Variants in MYO1C observed in about 807,000 individuals in gnomAD.
MYO1C encodes the protein unconventional myosin-Ic.
MYO1C carries 104 observed loss-of-function variants against 150.8 expected under a neutral mutation model. That is an observed-to-expected ratio of 0.69 (90% CI 0.59 to 0.81). MYO1C has a LOEUF of 0.81. Among genes scored for constraint, MYO1C ranks in the 30% least tolerant of loss-of-function variants. The pLI is 0.00. For missense variants in MYO1C, 1,504 were observed against 1,435.0 expected, an observed-to-expected ratio of 1.05 and a Z score of -0.78; for synonymous variants, 663 against 579.9, an observed-to-expected ratio of 1.14 and a Z score of -2.06.
rs767502865 is a variant in MYO1C, at chr17:1,467,617, G to A, written c.2968-40C>T. The A allele has an allele frequency of 1.9e-6, 3 of 1,591,628 alleles. No homozygotes were observed. The Admixed American group carries it at 5.0e-5, about 27-fold the overall frequency. ...AGGAGGAGGGGTCAGGCCCTGCCCA[G>A]AACTTGAGGAACCCCCGCCCCACCT... On this transcript the variant is annotated intron_variant, in intron 29 of 31. Transcript: ENST00000648651.
chr17:1,466,176 T>TTTTTTTA (rs2074167014), intron 31 of MYO1C, among the ~76,000 whole-genome samples: 1 of 145,366 alleles, frequency 6.9e-6, no homozygotes, highest in Non-Finnish European at 1.5e-5. Flanking sequence ...TTTTTTTTTT[T>TTTTTTTA]GAGACAGGGT....
At chr17:1,473,625 A>G (rs1202011659) in intron 17 of MYO1C, among the ~76,000 whole-genome samples, 1 of 152,014 alleles carries the variant, frequency 6.6e-6, no homozygotes, top group Admixed American at 6.6e-5. Flanking sequence ...TGCCAAGCCC[A>G]ACAGCCGTAC....
In MYO1C at chr17:1,479,405, A is replaced by T. The variant is rs2074466260; in HGVS notation, c.1092+26T>A. 2 of 1,100,294 alleles carry T rather than the reference A, an allele frequency of 1.8e-6. No individual in the cohort carries two copies. The highest frequency in any genetic ancestry group is 1.5e-5 in the African/African-American group (1 of 64,798). The allele number at this position is 1,100,294 out of a possible 1,614,324, so 68.2% of individuals were successfully genotyped here. On this transcript the variant is annotated intron_variant, in intron 9 of 31. Transcript: ENST00000648651. The surrounding 1 kb of genome is among the most constrained non-coding windows in gnomAD (Gnocchi z 4.2). ...TGCCTTGGAACAGCTGCCCCTCCAC[A>T]CCCGAGGGCAAGGGCCCGGCCTCAC...
chr17:1,478,721 C>A lies in MYO1C; in HGVS notation c.1107G>T (p.Leu369=). The stretch of plus-strand genomic sequence containing the variant: ...GTGCGTACGCGGCCTGCTCCAGGTT[C>A]AGCGGGCTCAGGAGCTGTGGACGCA... ...IAKGEELLSP[L]NLEQAAYARD... The change falls in exon 10 of 32, where the codon CTG becomes CTT. Residue 369 remains leucine (L), a synonymous_variant. Transcript: ENST00000648651. This position sits in a 1 kb window ranked among gnomAD's most constrained non-coding sequence, Gnocchi z 6.3. The A allele has an allele frequency of 6.2e-7, 1 of 1,614,062 alleles. No homozygotes were observed. The highest frequency in any genetic ancestry group is 1.1e-5 in the South Asian group (1 of 91,070).
At chr17:1,480,959 G>A in intron 5 of MYO1C, 74 bp from the exon 6 acceptor site, 7 of 1,531,086 alleles carry the variant, frequency 4.6e-6, no homozygotes, top group Non-Finnish European at 6.2e-6. Context: ...CTTCTCCCCT[G>A]CACTCCTGGG....
chr17:1,484,343 G>C, intron 1 of MYO1C, 40 bp from the exon 2 acceptor site: 3 of 1,602,154 alleles, frequency 1.9e-6, no homozygotes, highest in Non-Finnish European at 2.5e-6. Flanking sequence ...AGAGTCATCG[G>C]GGGCGGGGCA....
rs867096492 is a variant in MYO1C at position 1,467,162 on chromosome 17, G to A, written c.3165+80C>T. On this transcript the variant is annotated intron_variant, in intron 31 of 31. Transcript: ENST00000648651. ...TCTGGATGAAGGCCCATGGTGAGGT[G>A]CCTGGGCTCTGCCAAGCACAGCCAA... 75 of 1,336,946 alleles carry A rather than the reference G, an allele frequency of 5.6e-5. No individual in the cohort carries two copies. The African/African-American group carries it at 8.0e-4, about 14-fold the overall frequency. The allele number at this position is 1,336,946 out of a possible 1,614,324, so 82.8% of individuals were successfully genotyped here.
In MYO1C at chr17:1,479,008, C is replaced by T. The variant is rs113463264; in HGVS notation, c.1093-273G>A. Reference sequence around the variant, plus strand: ...TCTCTTCCTATGTGACCCTGGCCAGCTCACTGTGCTGCTTCTTTTTTTTGA... The same window carrying T: ...TCTCTTCCTATGTGACCCTGGCCAGTTCACTGTGCTGCTTCTTTTTTTTGA... On this transcript the variant is annotated intron_variant, in intron 9 of 31. Transcript: ENST00000648651. The surrounding 1 kb of genome is among the most constrained non-coding windows in gnomAD (Gnocchi z 4.2). Among the ~76,000 whole-genome samples the T allele has an allele frequency of 1.0e-3, 159 of 152,302 alleles. 3 individuals are homozygous for T. The highest frequency in any genetic ancestry group is 3.5e-3 in the African/African-American group (146 of 41,578).
intron 17 of MYO1C, among the ~76,000 whole-genome samples, chr17:1,473,117 G>A (rs991084267): frequency 2.6e-5 from 4 of 152,204 alleles, no homozygotes; most frequent in African/African-American, 9.6e-5. Context: ...GGAGAATGGC[G>A]TGAGCCCAGG....
intron 29 of MYO1C, 103 bp from the exon 30 acceptor site, chr17:1,467,680 C>T (rs963512635): frequency 7.8e-6 from 8 of 1,025,104 alleles, no homozygotes; most frequent in Non-Finnish European, 1.1e-5. Context: ...CACCCCCATC[C>T]ACCCTCCCAC....
chr17:1,470,312 G>A lies in MYO1C; in HGVS notation c.2389C>T (p.Arg797Cys), dbSNP rs762526702. The A allele has an allele frequency of 9.6e-6, 15 of 1,557,534 alleles. No individual in the cohort carries two copies. The highest frequency in any genetic ancestry group is 7.1e-5 in the East Asian group (3 of 42,032). Residue 797 changes from arginine to cysteine, a missense_variant, in exon 24 of 32, where the codon CGC becomes TGC. Coordinates refer to ENST00000648651, the MANE Select transcript of MYO1C (RefSeq NM_001080779.2). ...TTCTCGGGGCAGCGGGGGGCGTGGCGCAGGACGAAGCCTCGGATGAGCCTG... is the reference window on the plus strand; with the variant it reads ...TTCTCGGGGCAGCGGGGGGCGTGGCACAGGACGAAGCCTCGGATGAGCCTG... ...IRRLIRGFVL[R>C]HAPRCPENAF... is the part of the protein sequence containing the mutation.
At chr17:1,477,807 TG>T in intron 13 of MYO1C, 83 bp downstream of exon 13, 1 of 1,361,670 alleles carries the variant, frequency 7.3e-7, no homozygotes, top group South Asian at 1.2e-5. Flanking sequence ...TGGCCCTCCG[TG>T]GACCAGCCTG....
Position 1,468,118 on chromosome 17 carries a change from C to G in MYO1C, c.2766G>C (p.Ala922=), listed in dbSNP as rs778887409. 6.2e-7 allele frequency: 1 copy of G among 1,613,274 alleles called. No homozygotes were observed. The highest frequency in any genetic ancestry group is 1.3e-5 in the African/African-American group (1 of 74,860). The part of the protein sequence containing the change: ...QALGSEPIQY[A]VPVVKYDRKG... ...TGCGGTCGTATTTCACAACAGGCAC[C>G]GCATACTGGGGACAGAGGCCAGGCT... The change falls in exon 28 of 32, where the codon GCG becomes GCC. Residue 922 remains alanine, a synonymous_variant. Coordinates refer to ENST00000648651, the MANE Select transcript of MYO1C (RefSeq NM_001080779.2).
intron 1 of MYO1C, chr17:1,491,207 C>G (rs1426261768): frequency 6.6e-6 from 1 of 152,282 alleles, no homozygotes; most frequent in Non-Finnish European, 1.5e-5. Context: ...CCTTCTCCGG[C>G]CACCCCGGAG....
chr17:1,470,182 A>G lies in MYO1C; in HGVS notation c.2519T>C (p.Leu840Pro). 6.2e-7 allele frequency: 1 copy of G among 1,610,034 alleles called. No individual in the cohort carries two copies. The highest frequency in any genetic ancestry group is 8.5e-7 in the Non-Finnish European group (1 of 1,178,854). ...CAGGGGGTGCCCACAGACCTCACGC[A>G]GGGCAGGTGGGGGCGTGGGCCACGA... is the stretch of plus-strand genomic sequence containing the variant. ...DTSWPTPPPA[L>P]REASELLREL... The change falls in exon 24 of 32, where the codon CTG becomes CCG. Residue 840 changes from leucine (L) to proline (P), a missense_variant. Leu to Pro is a moderately conservative substitution (Grantham distance 98, BLOSUM62 -3). Transcript: ENST00000648651.
At chr17:1,488,727 A>T (rs1055700975) in intron 1 of MYO1C, among the ~76,000 whole-genome samples, 9 of 152,284 alleles carry the variant, frequency 5.9e-5, no homozygotes, top group East Asian at 1.9e-4. Flanking sequence ...TGATTCTATT[A>T]TGTCACATGT....
At position 1,469,520 on chromosome 17, in the gene MYO1C, G is replaced by A. The variant is rs574203640; in HGVS notation, c.2610+11C>T. On this transcript the variant is annotated intron_variant, in intron 25 of 31. Transcript: ENST00000648651. ...CACTTCCTCATCCTCACCCAGCCCC[G>A]CTCTCCGTACCTGCTGCTTCCACTC... The A allele has an allele frequency of 1.2e-5, 20 of 1,603,814 alleles. No homozygotes were observed. Among genetic ancestry groups the A allele is most frequent in the South Asian group, 7.8e-5 (7 of 89,798 alleles).
At chr17:1,485,238 G>A (rs2074627338) in intron 1 of MYO1C, 1 of 1,164,812 alleles carries the variant, frequency 8.6e-7, no homozygotes, top group Non-Finnish European at 1.1e-6. Flanking sequence ...CAGGGTCTCA[G>A]GGCTCCAAAA....
intron 25 of MYO1C, chr17:1,468,871 T>G: frequency 1.1e-5 from 4 of 361,646 alleles, no homozygotes; most frequent in South Asian, 1.1e-4. Context: ...AATACTGAGT[T>G]GGCAAAAACA....
Sources: gnomAD v4.1 joint callset for allele counts (sites outside exome capture counted in the v4.1 genomes callset) on GRCh38, gnomAD v4.1.1 for gene constraint, Gnocchi (gnomAD v3.1) non-coding constraint, MANE v1.5 for transcripts, NCBI Gene and HGNC (gene_info 2026-07-23, HGNC 2026-07-21) for gene names.